Variants in SETD3 observed in about 807,000 individuals in gnomAD.
The protein encoded by SETD3 is actin-histidine N-methyltransferase.
In SETD3, 19 loss-of-function variants were observed where a neutral mutation model predicts 63.0. The observed-to-expected ratio is 0.30, with a 90% CI of 0.21 to 0.44. SETD3 has a LOEUF of 0.44. Ranked by LOEUF, SETD3 falls within the 20% of genes least tolerant of loss-of-function variation. The pLI, the probability that SETD3 is intolerant of heterozygous loss-of-function variation, is 1.00. For missense variants in SETD3, 587 were observed against 728.5 expected (o/e 0.81, Z 2.24); for synonymous variants, 286 against 264.1 (o/e 1.08, Z -0.80).
rs752349528 is a variant in SETD3 at position 99,461,355 on chromosome 14, G to A, written c.197-15C>T. The A allele has an allele frequency of 1.8e-5, 29 of 1,603,846 alleles. No individual in the cohort carries two copies. Among genetic ancestry groups the A allele is most frequent in the East Asian group, 1.8e-4 (8 of 44,812 alleles). On this transcript the variant is annotated splice_polypyrimidine_tract_variant and intron_variant, in intron 3 of 12. Coordinates refer to ENST00000331768, the MANE Select transcript of SETD3 (RefSeq NM_032233.3). ...AACGGACAGACCTATATTAATCCACGTTTTAGAAAACAAGAGCTACTTTTA... is the reference window on the plus strand; with the variant it reads ...AACGGACAGACCTATATTAATCCACATTTTAGAAAACAAGAGCTACTTTTA...
chr14:99,426,738 T>C (rs1266274489), intron 6 of SETD3, among the ~76,000 whole-genome samples: 1 of 151,316 alleles, frequency 6.6e-6, no homozygotes, highest in Non-Finnish European at 1.5e-5. Flanking sequence ...TTGCCCTTTA[T>C]TTTTTAAGGT....
intron 4 of SETD3, among the ~76,000 whole-genome samples, chr14:99,460,653 C>G (rs1253941111): frequency 6.6e-6 from 1 of 152,200 alleles, no homozygotes; most frequent in Non-Finnish European, 1.5e-5. Context: ...CCAGTGACTG[C>G]TGCTCCCTTC....
chr14:99,400,272 C>A lies in SETD3; in HGVS notation c.1178-13G>T, dbSNP rs373133830. On this transcript the variant is annotated splice_polypyrimidine_tract_variant and intron_variant, in intron 11 of 12. Coordinates refer to ENST00000331768, the MANE Select transcript of SETD3 (RefSeq NM_032233.3). ...TCTTTCAGTTCTTCTACAAGAAATA[C>A]AAATGGCAATCTGTTAGGAGGAAAA... The A allele has an allele frequency of 3.1e-6, 5 of 1,607,712 alleles. No homozygotes were observed. In the African/African-American group the frequency reaches 6.7e-5, roughly 22 times the overall value.
intron 6 of SETD3, among the ~76,000 whole-genome samples, chr14:99,430,695 AAGCAGGTGATGCATC>A (rs1281175129): frequency 1.3e-5 from 2 of 152,138 alleles, no homozygotes; most frequent in African/African-American, 4.8e-5. Flanking sequence ...GAGGGAGAGG[AAGCAGGTGATGCATC>A]AGCGAGTGAC....
intron 1 of SETD3, among the ~76,000 whole-genome samples, chr14:99,476,276 A>T (rs1202608184): frequency 6.6e-6 from 1 of 152,208 alleles, no homozygotes; most frequent in African/African-American, 2.4e-5. Flanking sequence ...CTCAAAACCA[A>T]CCCATTTATG....
At chr14:99,481,241 C>T (rs1896300855), upstream of SETD3, 2 of 395,186 alleles carry the variant, frequency 5.1e-6, no homozygotes, top group Admixed American at 4.4e-5. Context: ...GCTCCTCCCT[C>T]TGTAAGCAGC....
At chr14:99,479,064 C>T (rs976233609) in intron 1 of SETD3, among the ~76,000 whole-genome samples, 5 of 152,222 alleles carry the variant, frequency 3.3e-5, no homozygotes, top group East Asian at 1.9e-4. Context: ...ATGTTCTAAT[C>T]TTCAAATCCA....
intron 6 of SETD3, 50 bp from the exon 7 acceptor site, chr14:99,413,984 A>G (rs1483804411): frequency 1.3e-5 from 19 of 1,511,636 alleles, no homozygotes; most frequent in Admixed American, 1.7e-5. Context: ...AAAAAGGGAA[A>G]ACAGAAATCA....
At chr14:99,435,152 A>C (rs750785491) in intron 6 of SETD3, among the ~76,000 whole-genome samples, 5 of 152,132 alleles carry the variant, frequency 3.3e-5, no homozygotes, top group East Asian at 1.9e-4. Flanking sequence ...TTTGCCATGC[A>C]TATTGTCATG....
chr14:99,442,492 T>C (rs991483242), intron 6 of SETD3, among the ~76,000 whole-genome samples: 9 of 152,178 alleles, frequency 5.9e-5, no homozygotes, highest in African/African-American at 1.7e-4. Flanking sequence ...CACTTATACA[T>C]AGATTTTCTT....
rs370986416 is a variant in SETD3 at position 99,439,962 on chromosome 14, G to A, written c.675+18317C>T. Among the ~76,000 whole-genome samples the A allele has an allele frequency of 2.6e-5, 4 of 151,194 alleles. No individual in the cohort carries two copies. The East Asian group carries it at 7.8e-4, about 30-fold the overall frequency. On this transcript the variant is annotated intron_variant, in intron 6 of 12. Coordinates refer to ENST00000331768, the MANE Select transcript of SETD3 (RefSeq NM_032233.3). ...ATCACCATGCTCAGGTAATCTTTCT[G>A]TATTTTTTTTTTTAGAGACAGGGTT...
chr14:99,454,410 A>T (rs779923780), intron 6 of SETD3, among the ~76,000 whole-genome samples: 1 of 152,088 alleles, frequency 6.6e-6, no homozygotes, highest in Non-Finnish European at 1.5e-5. Context: ...GCTTGTGACG[A>T]GTCACTATGG....
intron 6 of SETD3, among the ~76,000 whole-genome samples, chr14:99,449,867 G>A (rs1894360157): frequency 6.6e-6 from 1 of 152,242 alleles, no homozygotes; most frequent in South Asian, 2.1e-4. Flanking sequence ...TGTTTTGTAA[G>A]TCTAGAATTA....
intron 6 of SETD3, among the ~76,000 whole-genome samples, chr14:99,439,979 G>A (rs1444382394): frequency 6.6e-6 from 1 of 150,890 alleles, no homozygotes; most frequent in Non-Finnish European, 1.5e-5. Context: ...TTTTTTTAGA[G>A]ACAGGGTTTC....
At position 99,405,208 on chromosome 14, in the gene SETD3, G is replaced by A; in HGVS notation, c.1088C>T (p.Pro363Leu). The A allele has an allele frequency of 6.2e-7, 1 of 1,612,160 alleles. No homozygotes were observed. Among genetic ancestry groups the A allele is most frequent in the Non-Finnish European group, 8.5e-7 (1 of 1,179,478 alleles). Residue 363 changes from proline (P) to leucine (L), a missense_variant, in exon 10 of 13, where the codon CCC (proline) becomes CTC (leucine). By Grantham distance (98) the Pro-to-Leu change is moderately conservative (BLOSUM62 -3). Coordinates refer to ENST00000331768, the MANE Select transcript of SETD3 (RefSeq NM_032233.3). ...CAACCGATGTTTTTCTACGTACGTGGGGATGCCGGCACGAGCCAAGACCTC... is the reference window on the plus strand; with the variant it reads ...CAACCGATGTTTTTCTACGTACGTGAGGATGCCGGCACGAGCCAAGACCTC... ...KAEVLARAGI[P>L]TSSVFALHFT...
intron 1 of SETD3, among the ~76,000 whole-genome samples, chr14:99,480,420 G>T (rs1353391754): frequency 6.6e-6 from 1 of 151,750 alleles, no homozygotes; most frequent in Non-Finnish European, 1.5e-5. Context: ...CGCGGGGCCC[G>T]GGAGCGTGGG....
chr14:99,430,393 T>C (rs938344228), intron 6 of SETD3, among the ~76,000 whole-genome samples: 2 of 152,248 alleles, frequency 1.3e-5, no homozygotes, highest in African/African-American at 4.8e-5. Flanking sequence ...TGCTAGTTTA[T>C]ATTTTCTAGT....
intron 6 of SETD3, among the ~76,000 whole-genome samples, chr14:99,455,653 T>C (rs1418683456): frequency 6.6e-6 from 1 of 152,186 alleles, no homozygotes; most frequent in African/African-American, 2.4e-5. Context: ...AGGCTTCCAA[T>C]CATTAGGTGG....
intron 6 of SETD3, among the ~76,000 whole-genome samples, chr14:99,422,059 C>G (rs1892622934): frequency 6.6e-6 from 1 of 152,160 alleles, no homozygotes; most frequent in African/African-American, 2.4e-5. Flanking sequence ...TCTATTATTT[C>G]CCGCACCATC....
Sources: allele counts gnomAD v4.1 joint callset (sites outside exome capture counted in the v4.1 genomes callset), GRCh38; gene constraint gnomAD v4.1.1; transcripts MANE v1.5; gene names NCBI Gene and HGNC (gene_info 2026-07-23, HGNC 2026-07-21).